Variants in INAVA observed in about 807,000 individuals in gnomAD.
INAVA encodes the protein innate immunity activator, also known as innate immunity activator protein.
INAVA carries 32 observed loss-of-function variants against 55.3 expected under a neutral mutation model. That is an observed-to-expected ratio of 0.58 (90% CI 0.44 to 0.78). The LOEUF (loss-of-function observed/expected upper bound fraction) is 0.78, where lower values mean the gene tolerates loss of function less well. INAVA is among the 30% of genes least tolerant of loss of function. INAVA has a pLI of 0.00. For missense variants in INAVA, 756 were observed against 786.4 expected (o/e 0.96, Z 0.46); for synonymous variants, 294 against 329.4 (o/e 0.89, Z 1.16).
chr1:200,891,755 G>A, upstream of INAVA: 2 of 1,323,700 alleles, frequency 1.5e-6, no homozygotes, highest in Admixed American at 3.2e-5. Context: ...GCGGGGGATC[G>A]GGCCCCTGAA....
At chr1:200,891,538 G>C (rs758688213), upstream of INAVA, 8 of 1,604,340 alleles carry the variant, frequency 5.0e-6, no homozygotes, top group Non-Finnish European at 6.8e-6. Context: ...TTTAACATTT[G>C]GGATGCTGCA....
rs745608954 is a variant in INAVA at position 200,908,681 on chromosome 1, G to A, written c.575-49G>A. ...TGTGGTTTGTGGAGGTTCTTGTTGG[G>A]CCGGTTCCCCCAGCCTCTGGCCTTA... On this transcript the variant is annotated intron_variant, in intron 6 of 9. Transcript: ENST00000413687. 4.1e-6 allele frequency: 6 copies of A among 1,471,086 alleles called. No homozygotes were observed. The South Asian group carries it at 8.3e-5, about 20-fold the overall frequency. 91.1% of individuals were successfully genotyped at this position (1,471,086 alleles called of 1,614,324 possible).
chr1:200,895,193 G>A (rs1012300358), intron 1 of INAVA, 106 bp downstream of exon 1: 40 of 881,734 alleles, frequency 4.5e-5, no homozygotes, highest in Admixed American at 6.2e-5. Flanking sequence ...CCCCACCCCC[G>A]CCAGCCTATG....
rs547128249 is a variant in INAVA, at chr1:200,902,153, G to A, written c.520+994G>A. 4.6e-5 allele frequency among the ~76,000 whole-genome samples: 7 copies of A among 152,248 alleles called. No individual in the cohort carries two copies. The South Asian group carries it at 8.3e-4, about 18-fold the overall frequency. ...ATCCAGAATTGGATTCAGAGGTCTC[G>A]GCCTTCATTCACATTCTCAGGCTCC... On this transcript the variant is annotated intron_variant, in intron 5 of 9. Coordinates refer to ENST00000413687, the MANE Select transcript of INAVA (RefSeq NM_001142569.3).
intron 1 of INAVA, among the ~76,000 whole-genome samples, chr1:200,896,422 A>T (rs1362607305): frequency 2.6e-5 from 4 of 152,050 alleles, no homozygotes; most frequent in African/African-American, 9.7e-5. Context: ...CGAGGGATAG[A>T]GTTTGGGACA....
intron 6 of INAVA, 173 bp from the exon 7 acceptor site, chr1:200,908,557 C>A: frequency 1.7e-6 from 1 of 579,360 alleles, no homozygotes; most frequent in Non-Finnish European, 3.0e-6. Flanking sequence ...GAAGTAAGTC[C>A]CAAAGGAGAA....
Position 200,912,195 on chromosome 1 carries a change from G to C in INAVA, c.1644+58G>C. ...GCAGGAGGGCTGTTTTGTTGGGGAG[G>C]GGCTGCAATTCTAGTATGTCCAAGG... On this transcript the variant is annotated intron_variant, in intron 9 of 9. Transcript: ENST00000413687. 2.1e-6 allele frequency: 3 copies of C among 1,442,122 alleles called. No homozygotes were observed. In the South Asian group the frequency reaches 4.0e-5, roughly 19 times the overall value. 89.3% of individuals were successfully genotyped at this position (1,442,122 alleles called of 1,614,324 possible).
intron 2 of INAVA, 152 bp from the exon 3 acceptor site, chr1:200,899,321 A>G (rs1377815978): frequency 8.5e-7 from 1 of 1,182,978 alleles, no homozygotes; most frequent in Non-Finnish European, 1.2e-6. Flanking sequence ...GACACAGGCC[A>G]CAGCAGCCAG....
At position 200,911,926 on chromosome 1, in the gene INAVA, G is replaced by T. The variant is rs1325669603; in HGVS notation, c.1433G>T (p.Ser478Ile). 3 of 1,568,320 alleles carry T rather than the reference G, an allele frequency of 1.9e-6. No homozygotes were observed. The highest frequency in any genetic ancestry group is 1.7e-6 in the Non-Finnish European group (2 of 1,164,314). Residue 478 changes from serine to isoleucine, a missense_variant, in exon 9 of 10, where the codon AGC (serine) becomes ATC (isoleucine). This residue lies in a region of INAVA where 117 missense variants were observed against 162.1 expected (regional missense o/e 0.72). Coordinates refer to ENST00000413687, the MANE Select transcript of INAVA (RefSeq NM_001142569.3). ...TACCAGCGTCTGGTGCCCTCCCGCAGCCGCATCGTGCGGACGCCCTCCCTG... is the reference window on the plus strand; with the variant it reads ...TACCAGCGTCTGGTGCCCTCCCGCATCCGCATCGTGCGGACGCCCTCCCTG... ...LRYQRLVPSRSRIVRTPSLKD... is the reference protein window; with the variant it reads ...LRYQRLVPSRIRIVRTPSLKD...
rs762843031 is a variant in INAVA at position 200,913,637 on chromosome 1, C to A, written c.*8C>A. 3 of 1,611,190 alleles carry A rather than the reference C, an allele frequency of 1.9e-6. No homozygotes were observed. The highest frequency in any genetic ancestry group is 2.5e-6 in the Non-Finnish European group (3 of 1,178,112). On this transcript the variant is annotated 3_prime_UTR_variant, in exon 10 of 10. Transcript: ENST00000413687. ...ATCATCAGCCAGGTGTAACTCTGCGCCCCACGCTGGAAAAAACTGTTTCAT... is the reference window on the plus strand; with the variant it reads ...ATCATCAGCCAGGTGTAACTCTGCGACCCACGCTGGAAAAAACTGTTTCAT...
chr1:200,894,937 C>G lies in INAVA; in HGVS notation c.-245C>G, dbSNP rs368337974. ...GGGACGGCAAGGTAGGCAGGTGAGC[C>G]GAGACGGACGGACGGCCAGCAGCTC... On this transcript the variant is annotated 5_prime_UTR_variant, in exon 1 of 10. Transcript: ENST00000413687. 6 of 985,702 alleles carry G rather than the reference C, an allele frequency of 6.1e-6. No homozygotes were observed. Among genetic ancestry groups the G allele is most frequent in the African/African-American group, 5.2e-5 (3 of 57,296 alleles). The allele number at this position is 985,702 out of a possible 1,614,324, so 61.1% of individuals were successfully genotyped here.
chr1:200,909,103 T>G, intron 7 of INAVA, 121 bp from the exon 8 acceptor site: 1 of 1,315,790 alleles, frequency 7.6e-7, no homozygotes, highest in Non-Finnish European at 1.0e-6. Context: ...TCCCCAAGGG[T>G]GCTGGCAGTT....
chr1:200,907,980 G>T, intron 6 of INAVA, 93 bp downstream of exon 6: 1 of 1,057,220 alleles, frequency 9.5e-7, no homozygotes, highest in Non-Finnish European at 1.5e-6. Flanking sequence ...AATTTAAGTG[G>T]GAGTGAAGGC....
At chr1:200,898,910 C>T (rs780112764) in intron 2 of INAVA, among the ~76,000 whole-genome samples, 36 of 152,004 alleles carry the variant, frequency 2.4e-4, no homozygotes, top group African/African-American at 5.6e-4. Flanking sequence ...ACCTGGGAGG[C>T]GGAGGTTGCA....
chr1:200,896,076 C>G (rs180775987), intron 1 of INAVA, among the ~76,000 whole-genome samples: 1 of 152,084 alleles, frequency 6.6e-6, no homozygotes, highest in African/African-American at 2.4e-5. Flanking sequence ...AGACGGGAGG[C>G]GTGCTAAGGT....
chr1:200,898,554 G>C (rs1653064169), intron 2 of INAVA, 99 bp downstream of exon 2: 2 of 1,371,532 alleles, frequency 1.5e-6, no homozygotes, highest in African/African-American at 1.4e-5. Flanking sequence ...CACTAGGGCT[G>C]GCTGGGCTGA....
rs1557969768 is a variant in INAVA, at chr1:200,911,150, TGTA to T, written c.960-299_960-297del. ...GTAGTACTTTAAAAAAAGTACTTAA[TGTA>T]GTACTTTAAAAAAAGTACTTAATGT... On this transcript the variant is annotated intron_variant, in intron 8 of 9. Transcript: ENST00000413687. 2.9e-3 allele frequency among the ~76,000 whole-genome samples: 438 copies of T among 150,050 alleles called. 2 individuals carry two copies. Among genetic ancestry groups the T allele is most frequent in the African/African-American group, 0.01 (411 of 40,118 alleles).
upstream of INAVA, chr1:200,891,643 G>C: frequency 6.6e-7 from 1 of 1,520,414 alleles, no homozygotes; most frequent in Middle Eastern, 1.9e-4. Flanking sequence ...TCCTGAAGCT[G>C]CGAGGCTGGA....
At chr1:200,910,880 G>C (rs1427862078) in intron 8 of INAVA, among the ~76,000 whole-genome samples, 1 of 152,182 alleles carries the variant, frequency 6.6e-6, no homozygotes, top group Non-Finnish European at 1.5e-5. Context: ...AGCCCCTGCC[G>C]GTCTTGGGCT....
Sources: gnomAD v4.1 joint callset for allele counts (sites outside exome capture counted in the v4.1 genomes callset) on GRCh38, gnomAD v4.1.1 for gene constraint, gnomAD v4.1.1 regional missense constraint, MANE v1.5 for transcripts, NCBI Gene and HGNC (gene_info 2026-07-23, HGNC 2026-07-21) for gene names.